The following ZNF615 variants were observed in gnomAD, a reference collection of about 807,000 sequenced individuals.
ZNF615 encodes zinc finger protein 615.
ZNF615 carries 15 observed loss-of-function variants against 15.3 expected under a neutral mutation model. The observed-to-expected ratio is 0.98, with a 90% CI of 0.66 to 1.51. The LOEUF is 1.51. ZNF615 is among the 40% of genes most tolerant of loss of function. ZNF615 has a pLI of 0.00. For missense variants in ZNF615, 848 were observed against 895.9 expected, an observed-to-expected ratio of 0.95 and a Z score of 0.68; for synonymous variants, 268 against 294.6, an observed-to-expected ratio of 0.91 and a Z score of 0.92.
At position 51,993,035 on chromosome 19, in the gene ZNF615, T is replaced by A; in HGVS notation, c.2074A>T (p.Lys692Ter). 1.2e-6 allele frequency: 2 copies of A among 1,614,230 alleles called. No homozygotes were observed. The highest frequency in any genetic ancestry group is 2.2e-5 in the South Asian group (2 of 91,090). The change falls in exon 7 of 7, where the codon AAA becomes TAA. Residue 692 changes from lysine to a stop codon, truncating the protein, a stop_gained. Transcript: ENST00000598071. LOFTEE classifies it low-confidence loss of function (END_TRUNC). ...QRIHTGEKPYKCSDCGKAFTT... is the reference protein window; with the variant it reads ...QRIHTGEKPY ...AAGGCTTTCCCGCAGTCACTGCATTTGTACGGTTTCTCTCCTGTGTGAATT... is the reference window on the plus strand; with the variant it reads ...AAGGCTTTCCCGCAGTCACTGCATTAGTACGGTTTCTCTCCTGTGTGAATT...
rs144744717 is a variant in ZNF615, at chr19:52,004,874, A to G, written c.-189-974T>C. On this transcript the variant is annotated intron_variant, in intron 2 of 6. Transcript: ENST00000598071. ...TCTGAAGAGGAACAAAACGGTAAGTAATTAATAAAGCCTAAATCAGTATTG... is the reference window on the plus strand; with the variant it reads ...TCTGAAGAGGAACAAAACGGTAAGTGATTAATAAAGCCTAAATCAGTATTG... 1.3e-4 allele frequency: 20 copies of G among 152,340 alleles called. No individual in the cohort carries two copies. The East Asian group carries it at 1.5e-3, about 12-fold the overall frequency. The allele number at this position is 152,340 out of a possible 1,614,324, so 9.4% of individuals were successfully genotyped here.
intron 2 of ZNF615, among the ~76,000 whole-genome samples, chr19:52,005,931 A>T (rs1288934492): frequency 6.6e-6 from 1 of 152,168 alleles, no homozygotes; most frequent in Non-Finnish European, 1.5e-5. Context: ...AAATAGAAAA[A>T]TCCTATATCC....
At chr19:51,996,778 C>A (rs1054552673) in intron 6 of ZNF615, among the ~76,000 whole-genome samples, 5 of 152,162 alleles carry the variant, frequency 3.3e-5, no homozygotes, top group Admixed American at 2.0e-4. Context: ...ATGAACCATA[C>A]GCTGACTATT....
Position 51,993,708 on chromosome 19 carries a change from A to G in ZNF615, c.1401T>C (p.Tyr467=), listed in dbSNP as rs1259222883. ...AACCTTTTCGACATTCGGTGCATAC[A>G]TAGGGTTTCTCTCCAGTATGTGTTC... The part of the protein sequence containing the change: ...HQRTHTGEKP[Y]VCTECRKGFT... Residue 467 remains tyrosine, a synonymous_variant, in exon 7 of 7, where the codon TAT becomes TAC. Coordinates refer to ENST00000598071, the MANE Select transcript of ZNF615 (RefSeq NM_001199324.2). The G allele has an allele frequency of 6.2e-6, 10 of 1,613,862 alleles. No individual in the cohort carries two copies. Among genetic ancestry groups the G allele is most frequent in the East Asian group, 2.2e-5 (1 of 44,864 alleles).
In ZNF615 at chr19:52,002,199, T is replaced by A. The variant is rs755569011; in HGVS notation, c.98A>T (p.Tyr33Phe). ...GTAGTTCTCCAACATCACGTCCCGG[T>A]ACAGGTCCTTCTGAGCAGGGCTCAG... Reference protein sequence around the residue: ...QFLSPAQKDLYRDVMLENYSN... With the variant: ...QFLSPAQKDLFRDVMLENYSN... Residue 33 changes from tyrosine (Y) to phenylalanine (F), a missense_variant, in exon 4 of 7, where the codon TAC becomes TTC. Tyr to Phe is a conservative substitution (Grantham distance 22). Coordinates refer to ENST00000598071, the MANE Select transcript of ZNF615 (RefSeq NM_001199324.2). 6 of 1,614,070 alleles carry A rather than the reference T, an allele frequency of 3.7e-6. No individual in the cohort carries two copies. In the East Asian group the frequency reaches 1.3e-4, roughly 36 times the overall value.
intron 6 of ZNF615, among the ~76,000 whole-genome samples, chr19:51,998,155 G>C (rs2086495365): frequency 6.6e-6 from 1 of 152,076 alleles, no homozygotes; most frequent in African/African-American, 2.4e-5. Flanking sequence ...CAACTCATTT[G>C]GAATAAAATC....
intron 6 of ZNF615, among the ~76,000 whole-genome samples, chr19:51,998,590 A>G (rs1215591227): frequency 6.6e-6 from 1 of 152,202 alleles, no homozygotes; most frequent in East Asian, 1.9e-4. Context: ...GAATAAGGAC[A>G]TGGTATGTTT....
rs368312076 is a variant in ZNF615 at position 51,994,153 on chromosome 19, C to T, written c.956G>A (p.Arg319Gln). The T allele has an allele frequency of 1.9e-5, 30 of 1,613,958 alleles. No homozygotes were observed. The highest frequency in any genetic ancestry group is 1.7e-4 in the African/African-American group (13 of 75,020). The part of the protein sequence containing the change: ...IKKCRLIYHQ[R>Q]THTGEKPHGC... ...ATGGGGTTTCTCTCCTGTATGAGTT[C>T]GTTGATGATAAATGAGCCGACACTT... Residue 319 changes from arginine to glutamine, a missense_variant, in exon 7 of 7, where the codon CGA becomes CAA. Physicochemically the swap from Arg to Gln is conservative, Grantham distance 43. Coordinates refer to ENST00000598071, the MANE Select transcript of ZNF615 (RefSeq NM_001199324.2).
intron 3 of ZNF615, among the ~76,000 whole-genome samples, chr19:52,003,477 C>T (rs902402950): frequency 6.6e-6 from 1 of 152,120 alleles, no homozygotes; most frequent in East Asian, 1.9e-4. Flanking sequence ...GGCAAGTTTA[C>T]AGCAAATGTA....
In ZNF615 at chr19:51,993,905, G is replaced by A; in HGVS notation, c.1204C>T (p.Gln402Ter). 6.2e-7 allele frequency: 1 copy of A among 1,614,164 alleles called. No homozygotes were observed. Among genetic ancestry groups the A allele is most frequent in the African/African-American group, 1.3e-5 (1 of 75,048 alleles). ...AATTTCTCTCCTGTATGAGTTTGCT[G>A]ATGTGTGATAAGACTGTTCTTCAAG... ...FTLKNSLITH[Q>*]QTHTGEKLYT... Residue 402 changes from glutamine (Q) to a stop codon, truncating the protein, a stop_gained, in exon 7 of 7, where the codon CAG (glutamine) becomes TAG (stop). Transcript: ENST00000598071. LOFTEE classifies it low-confidence loss of function (END_TRUNC).
intron 3 of ZNF615, among the ~76,000 whole-genome samples, chr19:52,002,919 C>T (rs371512529): frequency 2.6e-5 from 4 of 151,730 alleles, no homozygotes; most frequent in Non-Finnish European, 5.9e-5. Flanking sequence ...TTCTGCCTCC[C>T]GGGTTCAAGC....
intron 1 of ZNF615, 179 bp downstream of exon 1, chr19:52,007,962 T>C (rs370510009): frequency 5.9e-5 from 36 of 615,356 alleles, no homozygotes; most frequent in East Asian, 1.4e-4. Flanking sequence ...CACGGACCTC[T>C]TGTAGTTCCC....
At chr19:51,996,999 A>G (rs1004700716) in intron 6 of ZNF615, among the ~76,000 whole-genome samples, 5 of 152,356 alleles carry the variant, frequency 3.3e-5, no homozygotes, top group Admixed American at 3.3e-4. Context: ...CATGATAAAT[A>G]TATGTATTTT....
intron 6 of ZNF615, among the ~76,000 whole-genome samples, chr19:51,999,092 A>T (rs1962820754): frequency 6.6e-6 from 1 of 152,266 alleles, no homozygotes; most frequent in South Asian, 2.1e-4. Context: ...AATGTAATCA[A>T]GAAAACAATT....
chr19:51,997,028 G>A (rs984894365), intron 6 of ZNF615, among the ~76,000 whole-genome samples: 9 of 152,160 alleles, frequency 5.9e-5, no homozygotes, highest in African/African-American at 2.2e-4. Flanking sequence ...GAATTAAAAA[G>A]TAATCATGTC....
Position 52,003,831 on chromosome 19 carries a change from A to G in ZNF615, c.-120T>C. 6.5e-7 allele frequency: 1 copy of G among 1,545,010 alleles called. No individual in the cohort carries two copies. Among genetic ancestry groups the G allele is most frequent in the Non-Finnish European group, 8.7e-7 (1 of 1,148,944 alleles). On this transcript the variant is annotated 5_prime_UTR_variant, in exon 3 of 7. Coordinates refer to ENST00000598071, the MANE Select transcript of ZNF615 (RefSeq NM_001199324.2). The stretch of plus-strand genomic sequence containing the variant: ...CCAATCAAGGATGTCCCCAGAAATG[A>G]TGACACCCAAGTCTTGGAAACTCCG...
chr19:52,007,178 T>C (rs537962099), intron 2 of ZNF615, 115 bp downstream of exon 2: 2 of 559,122 alleles, frequency 3.6e-6, no homozygotes, highest in African/African-American at 2.0e-5. Flanking sequence ...AAAAAGATAA[T>C]AGTACCATTT....
chr19:52,004,175 G>A (rs1190775954), intron 2 of ZNF615, among the ~76,000 whole-genome samples: 7 of 152,098 alleles, frequency 4.6e-5, no homozygotes. Flanking sequence ...CCCAGCAGCT[G>A]GGCAATCCTC....
chr19:51,993,969 C>T lies in ZNF615; in HGVS notation c.1140G>A (p.Glu380=). Residue 380 remains glutamate (E), a synonymous_variant, in exon 7 of 7, where the codon GAG becomes GAA. Coordinates refer to ENST00000598071, the MANE Select transcript of ZNF615 (RefSeq NM_001199324.2). ...LTAHHRTHTG[E]KPFICNKCGK... Reference sequence around the variant, plus strand: ...CACATTTATTGCATATAAAGGGTTTCTCACCAGTATGAGTTCGATGATGTG... The same window carrying T: ...CACATTTATTGCATATAAAGGGTTTTTCACCAGTATGAGTTCGATGATGTG... 1 of 1,612,154 alleles carries T rather than the reference C, an allele frequency of 6.2e-7. No individual in the cohort carries two copies. Among genetic ancestry groups the T allele is most frequent in the South Asian group, 1.1e-5 (1 of 90,752 alleles).
Sources: allele counts gnomAD v4.1 joint callset (sites outside exome capture counted in the v4.1 genomes callset), GRCh38; gene constraint gnomAD v4.1.1; transcripts MANE v1.5; gene names NCBI Gene and HGNC (gene_info 2026-07-23, HGNC 2026-07-21).